NPAS1: variants seen among roughly 807,000 people sequenced by gnomAD.
NPAS1 encodes neuronal PAS domain protein 1, also known as neuronal PAS domain-containing protein 1.
A neutral mutation model predicts 49.2 loss-of-function variants in NPAS1; 29 were observed. The ratio of observed to expected loss-of-function variants is 0.59; its 90% confidence interval spans 0.44 to 0.80. The LOEUF (loss-of-function observed/expected upper bound fraction) is 0.80, where lower values mean the gene tolerates loss of function less well. NPAS1 is among the 30% of genes least tolerant of loss of function. The pLI is 0.00. For missense variants in NPAS1, 825 were observed against 835.5 expected (o/e 0.99, Z 0.15); for synonymous variants, 408 against 380.4 (o/e 1.07, Z -0.84).
intron 6 of NPAS1, among the ~76,000 whole-genome samples, chr19:47,036,717 C>CAAAA (rs57439342): frequency 5.3e-5 from 7 of 131,134 alleles, no homozygotes; most frequent in African/African-American, 1.4e-4. Context: ...ACTAAAAATA[C>CAAAA]AAAAAAAAAA....
chr19:47,039,698 TG>T, intron 8 of NPAS1, 134 bp downstream of exon 8: 1 of 991,096 alleles, frequency 1.0e-6, no homozygotes. Flanking sequence ...CAGCAATGGA[TG>T]GGACAGGGTG....
chr19:47,029,610 A>G (rs2056893832), intron 3 of NPAS1, among the ~76,000 whole-genome samples: 1 of 152,040 alleles, frequency 6.6e-6, no homozygotes, highest in South Asian at 2.1e-4. Flanking sequence ...CATGTTGGCC[A>G]GGCTGGTCTT....
At chr19:47,023,612 G>C (rs1386935915) in intron 3 of NPAS1, among the ~76,000 whole-genome samples, 1 of 152,174 alleles carries the variant, frequency 6.6e-6, no homozygotes, top group East Asian at 1.9e-4. Context: ...CCACAGAGCA[G>C]AGCACTGTCA....
intron 9 of NPAS1, 57 bp from the exon 10 acceptor site, chr19:47,040,920 CT>C: frequency 1.4e-6 from 2 of 1,387,890 alleles, no homozygotes; most frequent in Non-Finnish European, 1.9e-6. Flanking sequence ...ACCTGGCTCT[CT>C]GTCTTGCCCC....
At chr19:47,031,748 C>A (rs1380136489) in intron 3 of NPAS1, among the ~76,000 whole-genome samples, 3 of 151,380 alleles carry the variant, frequency 2.0e-5, no homozygotes, top group Non-Finnish European at 4.4e-5. Context: ...CCAGGCTGGT[C>A]TCGAACCCCT....
rs1270528999 is a variant in NPAS1 at position 47,021,679 on chromosome 19, G to C, written c.190G>C (p.Glu64Gln). 51 of 1,563,698 alleles carry C rather than the reference G, an allele frequency of 3.3e-5. No homozygotes were observed. Among genetic ancestry groups the C allele is most frequent in the Non-Finnish European group, 4.1e-5 (47 of 1,156,166 alleles). ...CTCGCGGCGCGGGAAGGAGAACCTG[G>C]AGTTCTTCGAGCTGGCCAAGCTTCT... ...ARSRRGKENLEFFELAKLLPL... is the reference protein window; with the variant it reads ...ARSRRGKENLQFFELAKLLPL... Residue 64 changes from glutamate to glutamine, a missense_variant, in exon 3 of 12, where the codon GAG (glutamate) becomes CAG (glutamine). Coordinates refer to ENST00000602212, the MANE Select transcript of NPAS1 (RefSeq NM_002517.4). The surrounding 1 kb of genome is among the most constrained non-coding windows in gnomAD (Gnocchi z 5.7).
rs1355431683 is a variant in NPAS1 at position 47,045,064 on chromosome 19, AC to A, written c.1313-126del. 7.7e-5 allele frequency: 70 copies of A among 905,598 alleles called. No homozygotes were observed. In the African/African-American group the frequency reaches 1.2e-3, roughly 16 times the overall value. The allele number at this position is 905,598 out of a possible 1,614,324, so 56.1% of individuals were successfully genotyped here. A position where few individuals can be genotyped will look rare whatever the true frequency, so the allele number is the denominator to read the frequency against. ...CAAAAAACAAAAACAAAACAAACAAACAAAAAAAAAAACCCCACTCCCAGCT... is the reference window on the plus strand; with the variant it reads ...CAAAAAACAAAAACAAAACAAACAAAAAAAAAAAAAACCCCACTCCCAGCT... On this transcript the variant is annotated intron_variant, in intron 11 of 11. Coordinates refer to ENST00000602212, the MANE Select transcript of NPAS1 (RefSeq NM_002517.4).
chr19:47,045,283 C>G lies in NPAS1; in HGVS notation c.1405C>G (p.Pro469Ala). 6.2e-7 allele frequency: 1 copy of G among 1,614,054 alleles called. No individual in the cohort carries two copies. Among genetic ancestry groups the G allele is most frequent in the Non-Finnish European group, 8.5e-7 (1 of 1,179,998 alleles). ...QGKRIKVEPG[P>A]RETKGSEDSG... The stretch of plus-strand genomic sequence containing the variant: ...CAAACGCATCAAAGTGGAGCCCGGC[C>G]CGAGGGAAACCAAAGGCTCCGAGGA... Residue 469 changes from proline to alanine, a missense_variant, in exon 12 of 12, where the codon CCG becomes GCG. Pro to Ala is a conservative substitution (Grantham distance 27). Transcript: ENST00000602212.
intron 5 of NPAS1, 115 bp downstream of exon 5, chr19:47,032,847 C>T: frequency 1.3e-6 from 1 of 742,728 alleles, no homozygotes; most frequent in East Asian, 2.6e-5. Context: ...TGGACTGGAT[C>T]TCTGTGGTCC....
chr19:47,045,275 A>T lies in NPAS1; in HGVS notation c.1397A>T (p.Glu466Val), dbSNP rs1309171511. The T allele has an allele frequency of 6.2e-7, 1 of 1,613,926 alleles. No homozygotes were observed. The highest frequency in any genetic ancestry group is 1.3e-5 in the African/African-American group (1 of 74,928). The stretch of plus-strand genomic sequence containing the variant: ...ACCCAGGGCAAACGCATCAAAGTGG[A>T]GCCCGGCCCGAGGGAAACCAAAGGC... Reference protein sequence around the residue: ...PQTQGKRIKVEPGPRETKGSE... With the variant: ...PQTQGKRIKVVPGPRETKGSE... The change falls in exon 12 of 12, where the codon GAG becomes GTG. Residue 466 changes from glutamate to valine, a missense_variant. Coordinates refer to ENST00000602212, the MANE Select transcript of NPAS1 (RefSeq NM_002517.4).
chr19:47,045,684 G>C lies in NPAS1; in HGVS notation c.*33G>C. 1 of 1,379,488 alleles carries C rather than the reference G, an allele frequency of 7.2e-7. No homozygotes were observed. The highest frequency in any genetic ancestry group is 9.4e-7 in the Non-Finnish European group (1 of 1,067,156). 85.5% of individuals were successfully genotyped at this position (1,379,488 alleles called of 1,614,324 possible). A position where few individuals can be genotyped will look rare whatever the true frequency, so the allele number is the denominator to read the frequency against. ...CAGAGCTGCCGGCGCCGGACCCTGC[G>C]ACAACCGGGGTCCCCCAGGACAGTA... On this transcript the variant is annotated 3_prime_UTR_variant, in exon 12 of 12. Coordinates refer to ENST00000602212, the MANE Select transcript of NPAS1 (RefSeq NM_002517.4).
rs1002770448 is a variant in NPAS1 at position 47,044,105 on chromosome 19, C to T, written c.1313-1086C>T. 2.0e-5 allele frequency among the ~76,000 whole-genome samples: 3 copies of T among 152,186 alleles called. No individual in the cohort carries two copies. The East Asian group carries it at 5.8e-4, about 29-fold the overall frequency. ...ATTTTTTTAGGGGGATGGAGTTTCA[C>T]TCTTCTTGCCCAGGTTGGAGTGCAA... is the stretch of plus-strand genomic sequence containing the variant. On this transcript the variant is annotated intron_variant, in intron 11 of 11. Transcript: ENST00000602212.
rs1479707232 is a variant in NPAS1 at position 47,045,472 on chromosome 19, G to A, written c.1594G>A (p.Val532Met). 1.9e-6 allele frequency: 3 copies of A among 1,576,700 alleles called. No individual in the cohort carries two copies. Among genetic ancestry groups the A allele is most frequent in the Non-Finnish European group, 2.6e-6 (3 of 1,164,942 alleles). ...TLLHAGFLPP[V>M]VRGLCTPGTI... ...CCTGCACGCGGGCTTCCTGCCGCCG[G>A]TGGTGCGGGGCCTGTGCACACCCGG... The change falls in exon 12 of 12, where the codon GTG becomes ATG. Residue 532 changes from valine to methionine, a missense_variant. Coordinates refer to ENST00000602212, the MANE Select transcript of NPAS1 (RefSeq NM_002517.4).
chr19:47,045,476 T>C lies in NPAS1; in HGVS notation c.1598T>C (p.Val533Ala). The C allele has an allele frequency of 6.4e-7, 1 of 1,573,640 alleles. No individual in the cohort carries two copies. The highest frequency in any genetic ancestry group is 8.6e-7 in the Non-Finnish European group (1 of 1,163,558). ...CACGCGGGCTTCCTGCCGCCGGTGG[T>C]GCGGGGCCTGTGCACACCCGGCACC... ...LLHAGFLPPV[V>A]RGLCTPGTIR... The change falls in exon 12 of 12, where the codon GTG becomes GCG. Residue 533 changes from valine (V) to alanine (A), a missense_variant. Val to Ala is a moderately conservative substitution (Grantham distance 64). Coordinates refer to ENST00000602212, the MANE Select transcript of NPAS1 (RefSeq NM_002517.4).
At chr19:47,020,045 A>G (rs2056828943) in intron 1 of NPAS1, 48 bp downstream of exon 1, 2 of 189,904 alleles carry the variant, frequency 1.1e-5, no homozygotes. Context: ...TGGGTCCCAG[A>G]GGAATGGGGG....
chr19:47,035,782 T>G, intron 5 of NPAS1, 182 bp from the exon 6 acceptor site: 3 of 596,252 alleles, frequency 5.0e-6, no homozygotes, highest in Non-Finnish European at 8.4e-6. Flanking sequence ...GCGAGAAGAG[T>G]CTAAGTTTGT....
At chr19:47,028,946 G>A (rs1042102331) in intron 3 of NPAS1, among the ~76,000 whole-genome samples, 8 of 152,082 alleles carry the variant, frequency 5.3e-5, no homozygotes, top group African/African-American at 1.9e-4. Context: ...TGACTGTAGG[G>A]AGGATGGGGC....
In NPAS1 at chr19:47,026,002, C is replaced by T. The variant is rs376147932; in HGVS notation, c.358+4155C>T. On this transcript the variant is annotated intron_variant, in intron 3 of 11. Transcript: ENST00000602212. ...TCACCCAGGCTGGAGTGCAGTGGTGCGATCTCAGCTCACTGCAACCTCCAC... is the reference window on the plus strand; with the variant it reads ...TCACCCAGGCTGGAGTGCAGTGGTGTGATCTCAGCTCACTGCAACCTCCAC... Among the ~76,000 whole-genome samples the T allele has an allele frequency of 7.0e-4, 107 of 152,022 alleles. 1 individual carries two copies. The highest frequency in any genetic ancestry group is 2.4e-3 in the African/African-American group (99 of 41,452).
chr19:47,038,080 G>C (rs1038985098), intron 6 of NPAS1, among the ~76,000 whole-genome samples: 5 of 152,200 alleles, frequency 3.3e-5, no homozygotes, highest in Non-Finnish European at 7.3e-5. Flanking sequence ...CCAGCCTGAG[G>C]GTCAGGGAGG....
Sources: gnomAD v4.1 joint callset for allele counts (sites outside exome capture counted in the v4.1 genomes callset) on GRCh38, gnomAD v4.1.1 for gene constraint, Gnocchi (gnomAD v3.1) non-coding constraint, MANE v1.5 for transcripts, NCBI Gene and HGNC (gene_info 2026-07-23, HGNC 2026-07-21) for gene names.